ZFYVE28: variants seen among roughly 807,000 people sequenced by gnomAD.
ZFYVE28 encodes the protein lateral signaling target protein 2 homolog.
A neutral mutation model predicts 82.1 loss-of-function variants in ZFYVE28; 40 were observed. That is an observed-to-expected ratio of 0.49 (90% CI 0.38 to 0.63). The LOEUF (loss-of-function observed/expected upper bound fraction) is 0.63, where lower values mean the gene tolerates loss of function less well. Ranked by LOEUF, ZFYVE28 falls within the 30% of genes least tolerant of loss-of-function variation. The probability of loss-of-function intolerance (pLI) is 0.00; values close to 1 mark genes in which losing one functional copy is unlikely to be tolerated. For missense variants in ZFYVE28, 1,321 were observed against 1,242.1 expected (o/e 1.06, Z -0.96); for synonymous variants, 612 against 546.1 (o/e 1.12, Z -1.68).
At chr4:2,404,329 C>A (rs1190512925) in intron 1 of ZFYVE28, among the ~76,000 whole-genome samples, 22 of 9,430 alleles carry the variant, frequency 2.3e-3, no homozygotes, top group East Asian at 0.013. Flanking sequence ...AAAAAAAAAA[C>A]GCTGAAGATG....
At chr4:2,388,423 G>T (rs931017039) in intron 1 of ZFYVE28, among the ~76,000 whole-genome samples, 1 of 152,100 alleles carries the variant, frequency 6.6e-6, no homozygotes, top group Non-Finnish European at 1.5e-5. Flanking sequence ...TCCCACATCT[G>T]CTTGGAAATA....
chr4:2,278,480 G>A (rs1294234171), intron 8 of ZFYVE28, among the ~76,000 whole-genome samples: 1 of 151,918 alleles, frequency 6.6e-6, no homozygotes, highest in South Asian at 2.1e-4. Context: ...GAGCCACGGC[G>A]CCCAGGCTTA....
intron 1 of ZFYVE28, among the ~76,000 whole-genome samples, chr4:2,357,429 C>T (rs75950015): frequency 9.8e-5 from 15 of 152,318 alleles, no homozygotes; most frequent in African/African-American, 2.9e-4. Context: ...GGCCCCTTTT[C>T]GGGGTGGGGC....
Position 2,308,683 on chromosome 4 carries a change from G to GAGAAAGA in ZFYVE28, c.804-3148_804-3147insTCTTTCT, listed in dbSNP as rs1553830774. 1.4e-3 allele frequency among the ~76,000 whole-genome samples: 113 copies of GAGAAAGA among 81,508 alleles called. 2 individuals carry two copies. Among genetic ancestry groups the GAGAAAGA allele is most frequent in the African/African-American group, 5.4e-3 (109 of 20,186 alleles). 53.5% of individuals were successfully genotyped at this position (81,508 alleles called of 152,430 possible). A position where few individuals can be genotyped will look rare whatever the true frequency, so the allele number is the denominator to read the frequency against. ...AAAGAAAGAAAGAAAGAAAGAGAAA[G>GAGAAAGA]AAAGAAAAGAAAAGAAAAGAAAAAA... On this transcript the variant is annotated intron_variant, in intron 7 of 12. Coordinates refer to ENST00000290974, the MANE Select transcript of ZFYVE28 (RefSeq NM_020972.3).
intron 2 of ZFYVE28, chr4:2,343,009 C>T (rs1050095075): frequency 3.3e-5 from 5 of 152,222 alleles, no homozygotes; most frequent in African/African-American, 1.2e-4. Context: ...CATGTTATTA[C>T]ATCTGTCACA....
rs2031726 is a variant in ZFYVE28 at position 2,353,827 on chromosome 4, G to C, written c.180+106C>G. On this transcript the variant is annotated intron_variant, in intron 2 of 12. Transcript: ENST00000290974. The stretch of plus-strand genomic sequence containing the variant: ...TTCTCTAGCACCCGACCCTGACAAC[G>C]CCACCACAGGGGGCCAGCAGGTGAC... 2 of 1,256,980 alleles carry C rather than the reference G, an allele frequency of 1.6e-6. No individual in the cohort carries two copies. The highest frequency in any genetic ancestry group is 2.0e-6 in the Non-Finnish European group (2 of 986,414). The allele number at this position is 1,256,980 out of a possible 1,614,324, so 77.9% of individuals were successfully genotyped here.
At chr4:2,353,798 TG>T in intron 2 of ZFYVE28, 134 bp downstream of exon 2, 1 of 1,142,990 alleles carries the variant, frequency 8.7e-7, no homozygotes, top group Non-Finnish European at 1.1e-6. Flanking sequence ...TTCCTGGGCC[TG>T]GCTTCTCTAG....
At chr4:2,305,808 AAAG>A (rs771397937) in intron 7 of ZFYVE28, among the ~76,000 whole-genome samples, 1 of 152,262 alleles carries the variant, frequency 6.6e-6, no homozygotes, top group Non-Finnish European at 1.5e-5. Flanking sequence ...CTTTTGCTGA[AAAG>A]AAGAAAGCCC....
Position 2,320,037 on chromosome 4 carries a change from G to A in ZFYVE28, c.803+133C>T. 1.2e-6 allele frequency: 1 copy of A among 864,808 alleles called. No homozygotes were observed. Among genetic ancestry groups the A allele is most frequent in the Non-Finnish European group, 1.8e-6 (1 of 553,240 alleles). 53.6% of individuals were successfully genotyped at this position (864,808 alleles called of 1,614,324 possible). ...GGGTCGTTTGTGACCCCTCCCTAGG[G>A]AATATTAACCAGCCCATCCTTCCTC... On this transcript the variant is annotated intron_variant, in intron 7 of 12. Coordinates refer to ENST00000290974, the MANE Select transcript of ZFYVE28 (RefSeq NM_020972.3). This position sits in a 1 kb window ranked among gnomAD's most constrained non-coding sequence, Gnocchi z 5.1.
intron 6 of ZFYVE28, among the ~76,000 whole-genome samples, chr4:2,333,865 T>C (rs1721130001): frequency 6.6e-6 from 1 of 152,214 alleles, no homozygotes. Flanking sequence ...TGTCATTTTC[T>C]TCAAGTGAGT....
Position 2,409,952 on chromosome 4 carries a change from C to T in ZFYVE28, c.39+8333G>A, listed in dbSNP as rs1026669870. Among the ~76,000 whole-genome samples, 5 of 152,360 alleles carry T rather than the reference C, an allele frequency of 3.3e-5. No individual in the cohort carries two copies. The highest frequency in any genetic ancestry group is 2.1e-4 in the South Asian group (1 of 4,832). On this transcript the variant is annotated intron_variant, in intron 1 of 12. Coordinates refer to ENST00000290974, the MANE Select transcript of ZFYVE28 (RefSeq NM_020972.3). This position sits in a 1 kb window ranked among gnomAD's most constrained non-coding sequence, Gnocchi z 4.4. Reference sequence around the variant, plus strand: ...GCGGGCCAGGCTGGCAGGGTGCTTTCCAAAGCCCCCAAGTCAGCTGCCTAC... The same window carrying T: ...GCGGGCCAGGCTGGCAGGGTGCTTTTCAAAGCCCCCAAGTCAGCTGCCTAC...
At chr4:2,305,659 T>A in intron 7 of ZFYVE28, 123 bp from the exon 8 acceptor site, 1 of 1,181,690 alleles carries the variant, frequency 8.5e-7, no homozygotes, top group South Asian at 1.5e-5. Context: ...ACTGAATGCT[T>A]GCAACTGAAT....
At chr4:2,308,802 G>A (rs982087637) in intron 7 of ZFYVE28, among the ~76,000 whole-genome samples, 1 of 152,228 alleles carries the variant, frequency 6.6e-6, no homozygotes, top group Non-Finnish European at 1.5e-5. Context: ...CTAGCTTCTG[G>A]GATTTTGATT....
chr4:2,377,952 C>T (rs1422051431), intron 1 of ZFYVE28, among the ~76,000 whole-genome samples: 2 of 152,242 alleles, frequency 1.3e-5, no homozygotes, highest in Non-Finnish European at 2.9e-5. Context: ...CAAACCTGCA[C>T]AGCACGTTAC....
At chr4:2,309,932 A>C (rs1017887931) in intron 7 of ZFYVE28, among the ~76,000 whole-genome samples, 5 of 152,202 alleles carry the variant, frequency 3.3e-5, no homozygotes, top group Non-Finnish European at 5.9e-5. Flanking sequence ...GCTTTTCTTG[A>C]ATCTTTCAAA....
At chr4:2,356,554 G>A (rs1337956236) in intron 1 of ZFYVE28, among the ~76,000 whole-genome samples, 1 of 152,206 alleles carries the variant, frequency 6.6e-6, no homozygotes, top group African/African-American at 2.4e-5. Flanking sequence ...CCACTGCTGT[G>A]TCCCTGCACT....
At chr4:2,365,153 G>A (rs557436658) in intron 1 of ZFYVE28, among the ~76,000 whole-genome samples, 1 of 148,714 alleles carries the variant, frequency 6.7e-6, no homozygotes, top group East Asian at 2.0e-4. Context: ...GCGGCGGGGG[G>A]ACGGGGAGGG....
At chr4:2,333,243 ACCCCCC>A (rs1721011718) in intron 6 of ZFYVE28, among the ~76,000 whole-genome samples, 1 of 16,278 alleles carries the variant, frequency 6.1e-5, no homozygotes, top group Non-Finnish European at 1.2e-4. Flanking sequence ...CCCTTCCCTG[ACCCCCC>A]ACACTCCCCC....
Position 2,304,444 on chromosome 4 carries a change from G to C in ZFYVE28, c.1896C>G (p.Asp632Glu). 1 of 1,613,662 alleles carries C rather than the reference G, an allele frequency of 6.2e-7. No homozygotes were observed. The highest frequency in any genetic ancestry group is 8.5e-7 in the Non-Finnish European group (1 of 1,179,988). The change falls in exon 8 of 13, where the codon GAC becomes GAG. Residue 632 changes from aspartate (D) to glutamate (E), a missense_variant. Asp to Glu is a conservative substitution (Grantham distance 45). Transcript: ENST00000290974. ...AACCTGAGGTGTGAGGCAGGCACTT[G>C]TCGGAAGTGGGGGCTTTGGGCTCCC... ...NGREPKAPTS[D>E]KCLPHTSGSQ...
Sources: allele counts gnomAD v4.1 joint callset (sites outside exome capture counted in the v4.1 genomes callset), GRCh38; gene constraint gnomAD v4.1.1; non-coding constraint Gnocchi (gnomAD v3.1); transcripts MANE v1.5; gene names NCBI Gene and HGNC (gene_info 2026-07-23, HGNC 2026-07-21).